Variants in HTRA1 observed in about 807,000 individuals in gnomAD.
The protein encoded by HTRA1 is HtrA serine peptidase 1, also known as serine protease HTRA1.
A neutral mutation model predicts 49.7 loss-of-function variants in HTRA1; 26 were observed. That is an observed-to-expected ratio of 0.52 (90% CI 0.38 to 0.73). HTRA1 has a LOEUF of 0.73. HTRA1 is among the 30% of genes least tolerant of loss of function. The pLI is 0.00. For synonymous variants in HTRA1, 291 were observed against 286.9 expected, an observed-to-expected ratio of 1.01 and a Z score of -0.14; for missense variants, 561 against 667.2, an observed-to-expected ratio of 0.84 and a Z score of 1.75.
Position 122,464,344 on chromosome 10 carries a change from G to A in HTRA1, c.472+2220G>A, listed in dbSNP as rs115242013. ...GCCATCGGGCTCACAGCGGGCCCCC[G>A]GTGTACCAGTGAGGGGACAGCCACA... is the stretch of plus-strand genomic sequence containing the variant. On this transcript the variant is annotated intron_variant, in intron 1 of 8. Coordinates refer to ENST00000368984, the MANE Select transcript of HTRA1 (RefSeq NM_002775.5). This position sits in a 1 kb window ranked among gnomAD's most constrained non-coding sequence, Gnocchi z 4.8. 2.4e-3 allele frequency among the ~76,000 whole-genome samples: 365 copies of A among 152,274 alleles called. No individual in the cohort carries two copies. The highest frequency in any genetic ancestry group is 8.5e-3 in the African/African-American group (352 of 41,562).
rs2097507093 is a variant in HTRA1 at position 122,514,599 on chromosome 10, TC to T, written c.*241del. Reference sequence around the variant, plus strand: ...TATCCTATGTATGCAGTGTGCTTTTTCTTGCCAGCTTGGGCCATTCTTGCTT... The same window carrying T: ...TATCCTATGTATGCAGTGTGCTTTTTTTGCCAGCTTGGGCCATTCTTGCTT... On this transcript the variant is annotated 3_prime_UTR_variant, in exon 9 of 9. Transcript: ENST00000368984. The T allele has an allele frequency of 1.9e-6, 1 of 521,880 alleles. No homozygotes were observed. The highest frequency in any genetic ancestry group is 3.5e-6 in the Non-Finnish European group (1 of 287,256). The allele number at this position is 521,880 out of a possible 1,614,324, so 32.3% of individuals were successfully genotyped here.
intron 1 of HTRA1, among the ~76,000 whole-genome samples, chr10:122,484,755 A>G (rs988991657): frequency 1.6e-4 from 25 of 152,224 alleles, no homozygotes; most frequent in African/African-American, 6.0e-4. Flanking sequence ...CCACACAGCT[A>G]GTGAGTACCC....
At chr10:122,510,998 G>A (rs550636190) in intron 7 of HTRA1, among the ~76,000 whole-genome samples, 113 of 151,300 alleles carry the variant, frequency 7.5e-4, no homozygotes, top group African/African-American at 2.6e-3. Flanking sequence ...AAGATGGTAA[G>A]CCCTTGGTGC....
At chr10:122,470,258 AT>A (rs2097485544) in intron 1 of HTRA1, among the ~76,000 whole-genome samples, 1 of 152,176 alleles carries the variant, frequency 6.6e-6, no homozygotes, top group Admixed American at 6.5e-5. Context: ...TCCTAGCCCC[AT>A]TTGGGCCTTT....
intron 1 of HTRA1, among the ~76,000 whole-genome samples, chr10:122,488,051 C>T (rs948050568): frequency 6.6e-6 from 1 of 152,096 alleles, no homozygotes; most frequent in Non-Finnish European, 1.5e-5. Flanking sequence ...TGGGGACAGA[C>T]GATGGCCTCA....
At chr10:122,463,814 A>C (rs1284854393) in intron 1 of HTRA1, among the ~76,000 whole-genome samples, 1 of 152,170 alleles carries the variant, frequency 6.6e-6, no homozygotes, top group African/African-American at 2.4e-5. Flanking sequence ...AGGTGCTGTA[A>C]ATTTCCTGGT....
intron 3 of HTRA1, among the ~76,000 whole-genome samples, chr10:122,495,770 G>C (rs2097498305): frequency 1.3e-5 from 2 of 152,148 alleles, no homozygotes; most frequent in Admixed American, 6.5e-5. Context: ...GTTTAGGAAT[G>C]TCTCCTGTCC....
At chr10:122,478,256 G>T (rs370466721) in intron 1 of HTRA1, among the ~76,000 whole-genome samples, 11 of 152,320 alleles carry the variant, frequency 7.2e-5, no homozygotes, top group African/African-American at 2.6e-4. Flanking sequence ...TGAGGGGCTT[G>T]CCTGGGCTGC....
In HTRA1 at chr10:122,475,685, A is replaced by G. The variant is rs2097488138; in HGVS notation, c.473-13217A>G. On this transcript the variant is annotated intron_variant, in intron 1 of 8. Coordinates refer to ENST00000368984, the MANE Select transcript of HTRA1 (RefSeq NM_002775.5). ...TGGCTGCCTGGGCCACCACTTAGCA[A>G]TGCCATTGTCCTTCCTGTGCATTTT... Among the ~76,000 whole-genome samples the G allele has an allele frequency of 3.3e-5, 5 of 152,306 alleles. No homozygotes were observed. The South Asian group carries it at 1.0e-3, about 32-fold the overall frequency.
At chr10:122,501,736 C>T (rs1314065594) in intron 3 of HTRA1, among the ~76,000 whole-genome samples, 2 of 152,074 alleles carry the variant, frequency 1.3e-5, no homozygotes, top group African/African-American at 4.8e-5. Context: ...TGGGACTTTG[C>T]TTTTCTGGAG....
At chr10:122,500,965 G>A (rs1255784698) in intron 3 of HTRA1, among the ~76,000 whole-genome samples, 1 of 152,144 alleles carries the variant, frequency 6.6e-6, no homozygotes, top group East Asian at 1.9e-4. Flanking sequence ...AGTGATCCGG[G>A]GCACAAGGGC....
intron 3 of HTRA1, among the ~76,000 whole-genome samples, chr10:122,505,958 C>T (rs1038278882): frequency 1.3e-5 from 2 of 152,230 alleles, no homozygotes; most frequent in African/African-American, 4.8e-5. Flanking sequence ...TTGTTTGAGA[C>T]TCCTGGCTTT....
chr10:122,507,253 A>T, intron 4 of HTRA1, 117 bp from the exon 5 acceptor site: 1 of 839,514 alleles, frequency 1.2e-6, no homozygotes, highest in Non-Finnish European at 2.1e-6. Flanking sequence ...AATGAATCTC[A>T]GAGAAGAATC....
chr10:122,507,687 G>A (rs904418357), intron 5 of HTRA1, among the ~76,000 whole-genome samples: 5 of 152,170 alleles, frequency 3.3e-5, no homozygotes, highest in African/African-American at 9.7e-5. Context: ...GGTAAACACC[G>A]TGAAATTCAG....
Position 122,474,415 on chromosome 10 carries a change from G to A in HTRA1, c.472+12291G>A, listed in dbSNP as rs572512834. Among the ~76,000 whole-genome samples the A allele has an allele frequency of 2.6e-5, 4 of 152,204 alleles. No individual in the cohort carries two copies. The South Asian group carries it at 8.3e-4, about 32-fold the overall frequency. On this transcript the variant is annotated intron_variant, in intron 1 of 8. Coordinates refer to ENST00000368984, the MANE Select transcript of HTRA1 (RefSeq NM_002775.5). The stretch of plus-strand genomic sequence containing the variant: ...GGCTTCTTCCTTGATACAGGGGCTC[G>A]TTCACCATCACCTCCCTCCCTCACG...
At chr10:122,509,588 G>A (rs2097504687) in intron 6 of HTRA1, among the ~76,000 whole-genome samples, 1 of 152,232 alleles carries the variant, frequency 6.6e-6, no homozygotes, top group Non-Finnish European at 1.5e-5. Context: ...AGCAGGCCGT[G>A]GTGAGGGACC....
intron 1 of HTRA1, among the ~76,000 whole-genome samples, chr10:122,469,296 G>A (rs1008729197): frequency 1.3e-5 from 2 of 152,042 alleles, no homozygotes; most frequent in Non-Finnish European, 2.9e-5. Flanking sequence ...GATTTTACCC[G>A]ATCTTCCAAC....
chr10:122,487,692 C>T lies in HTRA1; in HGVS notation c.473-1210C>T, dbSNP rs145305380. ...GTGGGAATGTTACAGAGTGTGCCTA[C>T]GCAAACCTAGATGGCAGAGCCCACT... On this transcript the variant is annotated intron_variant, in intron 1 of 8. Transcript: ENST00000368984. The surrounding 1 kb of genome is among the most constrained non-coding windows in gnomAD (Gnocchi z 4.8). Among the ~76,000 whole-genome samples, 5 of 152,234 alleles carry T rather than the reference C, an allele frequency of 3.3e-5. No individual in the cohort carries two copies. The highest frequency in any genetic ancestry group is 7.2e-5 in the African/African-American group (3 of 41,538).
In HTRA1 at chr10:122,497,523, G is replaced by A. The variant is rs576112097; in HGVS notation, c.777+7897G>A. Among the ~76,000 whole-genome samples, 10 of 152,206 alleles carry A rather than the reference G, an allele frequency of 6.6e-5. No homozygotes were observed. The South Asian group carries it at 1.0e-3, about 16-fold the overall frequency. On this transcript the variant is annotated intron_variant, in intron 3 of 8. Transcript: ENST00000368984. ...GCTGAAAGGCTGCTGTGTGCTGTTC[G>A]CTGGGCCCACCAAATAGAGTAGGAC...
Sources: allele counts gnomAD v4.1 joint callset (sites outside exome capture counted in the v4.1 genomes callset), GRCh38; gene constraint gnomAD v4.1.1; non-coding constraint Gnocchi (gnomAD v3.1); transcripts MANE v1.5; gene names NCBI Gene and HGNC (gene_info 2026-07-23, HGNC 2026-07-21).